Variants in WDR90 observed in about 807,000 individuals in gnomAD.
WDR90 encodes WD repeat domain 90.
A neutral mutation model predicts 195.2 loss-of-function variants in WDR90; 238 were observed. The ratio of observed to expected loss-of-function variants is 1.22; its 90% CI spans 1.10 to 1.36. The LOEUF (loss-of-function observed/expected upper bound fraction) is 1.36, where lower values mean the gene tolerates loss of function less well. Ranked by LOEUF, WDR90 falls within the 40% of genes most tolerant of loss-of-function variation. The probability of loss-of-function intolerance (pLI) is 0.00; values close to 1 mark genes in which losing one functional copy is unlikely to be tolerated. For missense variants in WDR90, 2,734 were observed against 2,439.5 expected (o/e 1.12, Z -2.54); for synonymous variants, 1,265 against 1,052.4 (o/e 1.20, Z -3.91).
At chr16:660,510 C>G (rs2037872866) in intron 27 of WDR90, 102 bp from the exon 28 acceptor site, 1 of 1,226,074 alleles carries the variant, frequency 8.2e-7, no homozygotes, top group Admixed American at 2.1e-5. Context: ...GTGTCCTCTG[C>G]AGCTGGCCTG....
At position 651,751 on chromosome 16, in the gene WDR90, A is replaced by T. The variant is rs2037650571; in HGVS notation, c.840+4A>T. On this transcript the variant is annotated splice_donor_region_variant and intron_variant, in intron 8 of 40. Transcript: ENST00000293879. Reference sequence around the variant, plus strand: ...CCAGACGCCCAGCCCCACAGCCGTGAGTACCCCCTTCGCCCTATGAGATGG... The same window carrying T: ...CCAGACGCCCAGCCCCACAGCCGTGTGTACCCCCTTCGCCCTATGAGATGG... 2.5e-6 allele frequency: 4 copies of T among 1,612,950 alleles called. No individual in the cohort carries two copies. Among genetic ancestry groups the T allele is most frequent in the Non-Finnish European group, 3.4e-6 (4 of 1,180,002 alleles).
Position 658,207 on chromosome 16 carries a change from C to A in WDR90, c.2629C>A (p.Leu877Met), listed in dbSNP as rs1239639555. The change falls in exon 22 of 41, where the codon CTG becomes ATG. Residue 877 changes from leucine (L) to methionine (M), a missense_variant. Physicochemically the swap from Leu to Met is conservative, Grantham distance 15. Transcript: ENST00000293879. ...GCTGCTGCGAGTTGACATCGGCACT[C>A]TGGACCTGGCCAGCAGCCGCCTGGA... ...DELLRVDIGT[L>M]DLASSRLDSA... 6.2e-7 allele frequency: 1 copy of A among 1,611,830 alleles called. No individual in the cohort carries two copies. The highest frequency in any genetic ancestry group is 1.7e-5 in the Admixed American group (1 of 60,002).
Position 662,831 on chromosome 16 carries a change from G to T in WDR90, c.4298G>T (p.Gly1433Val). ...AEGTSTRLIS[G>V]HRSKVNEVVF... ...GGCACCAGCACACGTCTCATCAGTG[G>T]CCACAGGAGCAAGGTGAGGGACTTC... Residue 1433 changes from glycine (G) to valine (V), a missense_variant, in exon 34 of 41, where the codon GGC (glycine) becomes GTC (valine). Physicochemically the swap from Gly to Val is moderately radical, Grantham distance 109. Coordinates refer to ENST00000293879, the MANE Select transcript of WDR90 (RefSeq NM_145294.5). The T allele has an allele frequency of 6.4e-7, 1 of 1,568,986 alleles. No homozygotes were observed. The highest frequency in any genetic ancestry group is 2.4e-5 in the East Asian group (1 of 42,454).
In WDR90 at chr16:661,949, A is replaced by G. The variant is rs1401037009; in HGVS notation, c.3923A>G (p.Tyr1308Cys). The G allele has an allele frequency of 6.2e-7, 1 of 1,608,112 alleles. No individual in the cohort carries two copies. Among genetic ancestry groups the G allele is most frequent in the Non-Finnish European group, 8.5e-7 (1 of 1,179,880 alleles). Residue 1308 changes from tyrosine to cysteine, a missense_variant, in exon 32 of 41, where the codon TAC becomes TGC. Transcript: ENST00000293879. ...GCTGGAGAGCTGACCTCGCTCTGCT[A>G]CGGGGCACCTCCCCTGCTCTATTGT... ...VGAGELTSLC[Y>C]GAPPLLYCGT...
rs530007863 is a variant in WDR90 at position 663,092 on chromosome 16, A to G, written c.4311+248A>G. 1.1e-4 allele frequency: 69 copies of G among 654,224 alleles called. 2 individuals carry two copies. In the South Asian group the frequency reaches 1.1e-3, roughly 10 times the overall value. The allele number at this position is 654,224 out of a possible 1,614,324, so 40.5% of individuals were successfully genotyped here. On this transcript the variant is annotated intron_variant, in intron 34 of 40. Coordinates refer to ENST00000293879, the MANE Select transcript of WDR90 (RefSeq NM_145294.5). ...CTTCTCAAACTGTCCTTTCCCTGCT[A>G]TTGCTTTGCGTTTTTTTGTTTGTTT...
Position 658,258 on chromosome 16 carries a change from C to T in WDR90, c.2680C>T (p.Pro894Ser). The change falls in exon 22 of 41, where the codon CCT (proline) becomes TCT (serine). Residue 894 changes from proline (P) to serine (S), a missense_variant. Transcript: ENST00000293879. ...LDSAMAVCFG[P>S]AALGHLLVST... The stretch of plus-strand genomic sequence containing the variant: ...CTCAGCCATGGCTGTGTGCTTTGGC[C>T]CTGCAGCTCTGGGCCACCTGCTGGT... 6 of 1,612,618 alleles carry T rather than the reference C, an allele frequency of 3.7e-6. No individual in the cohort carries two copies. The highest frequency in any genetic ancestry group is 5.1e-6 in the Non-Finnish European group (6 of 1,179,896).
chr16:649,547 C>T (rs1003261775), intron 1 of WDR90, 121 bp downstream of exon 1: 2 of 1,241,750 alleles, frequency 1.6e-6, no homozygotes, highest in East Asian at 3.2e-5. Flanking sequence ...CCCGCTCAGG[C>T]AGGGTCCCGT....
At chr16:658,429 G>A (rs2037809060) in intron 22 of WDR90, 85 bp downstream of exon 22, 24 of 1,578,242 alleles carry the variant, frequency 1.5e-5, no homozygotes, top group Non-Finnish European at 1.9e-5. Context: ...TCTCCAGCTG[G>A]GTGGGGGGCC....
Position 665,498 on chromosome 16 carries a change from C to G in WDR90, c.4312-181C>G, listed in dbSNP as rs1567223471. On this transcript the variant is annotated intron_variant, in intron 34 of 40. Transcript: ENST00000293879. ...TGCTTTGGTTTGGACTCACCCAGAT[C>G]TAGTGCAGGGACACACACGGGGGCC... 6.5e-6 allele frequency: 6 copies of G among 924,536 alleles called. No individual in the cohort carries two copies. In the East Asian group the frequency reaches 1.6e-4, roughly 24 times the overall value. 57.3% of individuals were successfully genotyped at this position (924,536 alleles called of 1,614,324 possible).
chr16:651,097 A>C lies in WDR90; in HGVS notation c.662A>C (p.His221Pro). 1 of 1,601,144 alleles carries C rather than the reference A, an allele frequency of 6.2e-7. No individual in the cohort carries two copies. The highest frequency in any genetic ancestry group is 1.3e-5 in the African/African-American group (1 of 74,388). Residue 221 changes from histidine (H) to proline (P), a missense_variant, in exon 6 of 41, where the codon CAC (histidine) becomes CCC (proline). His to Pro is a moderately conservative substitution (Grantham distance 77). Transcript: ENST00000293879. ...GAGAGCTGGCATGACCGCTACATCC[A>C]CGTCCGGTGAGTGGTTCTGCTTCTT... is the stretch of plus-strand genomic sequence containing the variant. ...KGESWHDRYI[H>P]VRFPSESLKV...
At chr16:653,882 A>T in intron 13 of WDR90, 79 bp downstream of exon 13, 1 of 1,542,904 alleles carries the variant, frequency 6.5e-7, no homozygotes, top group South Asian at 1.2e-5. Context: ...GGTTTTCTGA[A>T]ACTCCAGCTT....
At position 665,740 on chromosome 16, in the gene WDR90, G is replaced by GT; in HGVS notation, c.4374dup (p.Val1459CysfsTer36). The GT allele has an allele frequency of 2.5e-6, 4 of 1,610,606 alleles. No homozygotes were observed. Among genetic ancestry groups the GT allele is most frequent in the Non-Finnish European group, 3.4e-6 (4 of 1,178,384 alleles). On this transcript the variant is annotated frameshift_variant, in exon 35 of 41. Coordinates refer to ENST00000293879, the MANE Select transcript of WDR90 (RefSeq NM_145294.5). LOFTEE classifies it high-confidence loss of function. ...TGCGCCACATGCAGTGAGGATGGGA[G>GT]TGTGCGGGTGTGGGCCTTGGCCAGC... is the stretch of plus-strand genomic sequence containing the variant.
rs759333200 is a variant in WDR90, at chr16:661,407, G to T, written c.3579G>T (p.Val1193=). 3.1e-6 allele frequency: 5 copies of T among 1,612,124 alleles called. No homozygotes were observed. The highest frequency in any genetic ancestry group is 2.2e-5 in the East Asian group (1 of 44,852). ...ATTGTCAGATCCGCGTCTGGGACGT[G>T]TCTGGCGGCCTCTGCCAGCATCTCA... ...TAHCQIRVWD[V]SGGLCQHLIF... The change falls in exon 30 of 41, where the codon GTG becomes GTT. Residue 1193 remains valine (V), a synonymous_variant. Coordinates refer to ENST00000293879, the MANE Select transcript of WDR90 (RefSeq NM_145294.5).
chr16:655,675 C>A lies in WDR90; in HGVS notation c.1821C>A (p.Pro607=). 6.2e-7 allele frequency: 1 copy of A among 1,600,472 alleles called. No individual in the cohort carries two copies. ...RLLPTRTPGG[P]HPQKQTFSSG... is the part of the protein sequence containing the mutation. ...TCCCCACACGGACTCCAGGCGGTCC[C>A]CACCCACAGAAGCAGACCTTCAGCT... Residue 607 remains proline (P), a synonymous_variant, in exon 16 of 41, where the codon CCC becomes CCA. Transcript: ENST00000293879.
intron 34 of WDR90, among the ~76,000 whole-genome samples, chr16:664,252 C>G (rs1268713806): frequency 6.6e-6 from 1 of 152,180 alleles, no homozygotes; most frequent in Non-Finnish European, 1.5e-5. Context: ...CTCCCCAGCC[C>G]CTGGCGACCG....
At chr16:665,026 A>G (rs2037993442) in intron 34 of WDR90, 1 of 155,212 alleles carries the variant, frequency 6.4e-6, no homozygotes, top group Non-Finnish European at 1.4e-5. Flanking sequence ...ACTTGCACTT[A>G]AAGTTCACAT....
rs1306988915 is a variant in WDR90 at position 656,759 on chromosome 16, G to A, written c.2230G>A (p.Ala744Thr). Residue 744 changes from alanine to threonine, a missense_variant, in exon 19 of 41, where the codon GCC (alanine) becomes ACC (threonine). By Grantham distance (58) the Ala-to-Thr change is moderately conservative. Coordinates refer to ENST00000293879, the MANE Select transcript of WDR90 (RefSeq NM_145294.5). ...QLYDFTSSEDAPCAVTFHPTR... is the reference protein window; with the variant it reads ...QLYDFTSSEDTPCAVTFHPTR... ...ATACGACTTCACATCATCAGAGGAC[G>A]CCCCGTGCGCTGTCACCTTCCACCC... 5.0e-6 allele frequency: 8 copies of A among 1,613,060 alleles called. No individual in the cohort carries two copies. The highest frequency in any genetic ancestry group is 6.8e-6 in the Non-Finnish European group (8 of 1,179,956).
At chr16:652,975 C>T (rs575454191) in intron 10 of WDR90, among the ~76,000 whole-genome samples, 16 of 152,318 alleles carry the variant, frequency 1.1e-4, no homozygotes, top group African/African-American at 3.4e-4. Context: ...TGGCCTTGGG[C>T]CCTTGTCAGG....
intron 40 of WDR90, 90 bp downstream of exon 40, chr16:667,079 G>C: frequency 7.3e-7 from 1 of 1,371,872 alleles, no homozygotes; most frequent in Non-Finnish European, 1.0e-6. Flanking sequence ...TGCCTCACCT[G>C]TGCCCCGGGC....
Sources: gnomAD v4.1 joint callset for allele counts (sites outside exome capture counted in the v4.1 genomes callset) on GRCh38, gnomAD v4.1.1 for gene constraint, MANE v1.5 for transcripts, NCBI Gene and HGNC (gene_info 2026-07-23, HGNC 2026-07-21) for gene names.